The following CARF variants were observed in gnomAD, a reference collection of about 807,000 sequenced individuals.
The protein encoded by CARF is calcium responsive transcription factor.
In CARF, 57 loss-of-function variants were observed where a neutral mutation model predicts 82.0. The ratio of observed to expected loss-of-function variants is 0.70; its 90% CI spans 0.56 to 0.87. CARF has a LOEUF of 0.87. CARF is among the 40% of genes least tolerant of loss of function. CARF has a pLI of 0.00. For missense variants in CARF, 771 were observed against 855.8 expected, an observed-to-expected ratio of 0.90 and a Z score of 1.24; for synonymous variants, 268 against 290.1, an observed-to-expected ratio of 0.92 and a Z score of 0.77.
rs979560698 is a variant in CARF, at chr2:202,969,613, A to G, written c.954-306A>G. 7.4e-5 allele frequency among the ~76,000 whole-genome samples: 11 copies of G among 149,406 alleles called. No homozygotes were observed. The East Asian group carries it at 1.4e-3, about 19-fold the overall frequency. ...AATAAATAAATAAATAAATAAATAA[A>G]TAAATAAGTAATCCAGGCATGAGGT... On this transcript the variant is annotated intron_variant, in intron 10 of 16. Coordinates refer to ENST00000438828, the MANE Select transcript of CARF (RefSeq NM_024744.17).
At chr2:202,921,764 TG>T (rs1484453433) in intron 2 of CARF, among the ~76,000 whole-genome samples, 1 of 152,226 alleles carries the variant, frequency 6.6e-6, no homozygotes, top group Admixed American at 6.5e-5. Context: ...AACTTTCTGA[TG>T]TTGCTATATT....
chr2:202,977,835 G>A (rs1049878076), intron 14 of CARF, among the ~76,000 whole-genome samples: 3 of 151,896 alleles, frequency 2.0e-5, no homozygotes, highest in African/African-American at 7.3e-5. Context: ...CCTATATAAA[G>A]TTAAACCTCT....
In CARF at chr2:202,960,981, T is replaced by C. The variant is rs574655995; in HGVS notation, c.643-256T>C. ...CATTATATGTTCTTGCAAGTTATCTTTTCTAAATATTCTTTGTCTCAAACA... is the reference window on the plus strand; with the variant it reads ...CATTATATGTTCTTGCAAGTTATCTCTTCTAAATATTCTTTGTCTCAAACA... On this transcript the variant is annotated intron_variant, in intron 8 of 16. Coordinates refer to ENST00000438828, the MANE Select transcript of CARF (RefSeq NM_024744.17). Among the ~76,000 whole-genome samples the C allele has an allele frequency of 2.0e-5, 3 of 152,314 alleles. No homozygotes were observed. In the East Asian group the frequency reaches 5.8e-4, roughly 29 times the overall value.
rs574939296 is a variant in CARF, at chr2:202,943,349, C to T, written c.306+382C>T. Among the ~76,000 whole-genome samples the T allele has an allele frequency of 1.9e-4, 29 of 152,280 alleles. 1 individual carries two copies. In the South Asian group the frequency reaches 5.0e-3, roughly 26 times the overall value. ...TTGGCCTCTCAAAGTTCTGGGATTA[C>T]AGGCGTTAGCCACCATGCCCAGCCA... On this transcript the variant is annotated intron_variant, in intron 5 of 16. Transcript: ENST00000438828.
intron 15 of CARF, 52 bp downstream of exon 15, chr2:202,981,737 A>AT (rs1172872111): frequency 1.4e-6 from 2 of 1,475,146 alleles, no homozygotes; most frequent in South Asian, 2.4e-5. Flanking sequence ...TTATTCCTCC[A>AT]TTTACCTCTT....
At chr2:202,948,757 G>C (rs1255435380) in intron 5 of CARF, among the ~76,000 whole-genome samples, 1 of 152,126 alleles carries the variant, frequency 6.6e-6, no homozygotes, top group African/African-American at 2.4e-5. Context: ...CGGAGAATAT[G>C]GGGTTTTCTA....
intron 14 of CARF, among the ~76,000 whole-genome samples, chr2:202,978,724 G>A (rs1243819480): frequency 6.6e-6 from 1 of 152,172 alleles, no homozygotes; most frequent in Non-Finnish European, 1.5e-5. Context: ...CCATTTTTAT[G>A]CAGAGTTAGG....
chr2:202,955,688 C>G lies in CARF; in HGVS notation c.572C>G (p.Pro191Arg). ...TCCTATCCCAGAATGCTGGAAGAAC[C>G]CCTTCTGGGGCCTCTTCAGCCACTT... is the stretch of plus-strand genomic sequence containing the variant. ...KKSVTGMLEE[P>R]LLGPLQPLSS... Residue 191 changes from proline to arginine, a missense_variant, in exon 8 of 17, where the codon CCC becomes CGC. Transcript: ENST00000438828. The G allele has an allele frequency of 6.2e-7, 1 of 1,605,264 alleles. No homozygotes were observed. The highest frequency in any genetic ancestry group is 1.1e-5 in the South Asian group (1 of 89,610).
Position 202,942,816 on chromosome 2 carries a change from G to A in CARF, c.155G>A (p.Arg52His), listed in dbSNP as rs371549950. Residue 52 changes from arginine (R) to histidine (H), a missense_variant, in exon 5 of 17, where the codon CGT (arginine) becomes CAT (histidine). Arg to His is a conservative substitution (Grantham distance 29). Coordinates refer to ENST00000438828, the MANE Select transcript of CARF (RefSeq NM_024744.17). ...CCTACAGTTTTGCCCATCACTACTC[G>A]TGAAGCAAATAATTCACTCATATCA... ...DSPTVLPITT[R>H]EANNSLISQN... 2.2e-5 allele frequency: 36 copies of A among 1,613,644 alleles called. No homozygotes were observed. The highest frequency in any genetic ancestry group is 8.9e-5 in the East Asian group (4 of 44,864).
At chr2:202,952,703 G>T (rs954605232) in intron 6 of CARF, 24 bp downstream of exon 6, 9 of 1,581,958 alleles carry the variant, frequency 5.7e-6, no homozygotes, top group Non-Finnish European at 6.0e-6. Context: ...GGATATAGGG[G>T]ATTTGAGAGT....
chr2:202,954,710 T>TA lies in CARF; in HGVS notation c.557+593dup, dbSNP rs35250610. Among the ~76,000 whole-genome samples the TA allele has an allele frequency of 2.7e-3, 322 of 120,890 alleles. 3 individuals are homozygous for TA. The highest frequency in any genetic ancestry group is 0.025 in the South Asian group (93 of 3,792). The allele number at this position is 120,890 out of a possible 152,430, so 79.3% of individuals were successfully genotyped here. A position where few individuals can be genotyped will look rare whatever the true frequency, so the allele number is the denominator to read the frequency against. ...CTGGGTGACAGAGCGAGACATCATT[T>TA]AAAAAAAAAAAAAAAAAGACTGGGC... On this transcript the variant is annotated intron_variant, in intron 7 of 16. Coordinates refer to ENST00000438828, the MANE Select transcript of CARF (RefSeq NM_024744.17).
intron 1 of CARF, 22 bp from the exon 2 acceptor site, chr2:202,917,855 A>G (rs1690026479): frequency 8.4e-6 from 2 of 239,114 alleles, no homozygotes; most frequent in South Asian, 4.9e-5. Context: ...TAAAATATAC[A>G]TTAAATACCT....
At chr2:202,965,897 T>C (rs1251208196) in intron 9 of CARF, among the ~76,000 whole-genome samples, 1 of 152,188 alleles carries the variant, frequency 6.6e-6, no homozygotes. Flanking sequence ...ACGTTAATTA[T>C]CTCACAGTTT....
At chr2:202,946,342 C>T (rs547907879) in intron 5 of CARF, among the ~76,000 whole-genome samples, 19 of 152,234 alleles carry the variant, frequency 1.2e-4, no homozygotes, top group South Asian at 2.1e-4. Flanking sequence ...AGAAATAACA[C>T]GACACATCTA....
intron 5 of CARF, among the ~76,000 whole-genome samples, chr2:202,948,562 T>C (rs1187192927): frequency 6.6e-6 from 1 of 152,162 alleles, no homozygotes. Context: ...ATGGTAGAGA[T>C]CTTTCACCTT....
intron 9 of CARF, among the ~76,000 whole-genome samples, chr2:202,965,156 T>C (rs1339529490): frequency 2.0e-5 from 3 of 152,182 alleles, no homozygotes; most frequent in Non-Finnish European, 4.4e-5. Context: ...CTGTAATATT[T>C]GCCATATTCT....
At chr2:202,979,574 G>A (rs1289630233) in intron 14 of CARF, among the ~76,000 whole-genome samples, 1 of 152,092 alleles carries the variant, frequency 6.6e-6, no homozygotes, top group African/African-American at 2.4e-5. Flanking sequence ...GCCAAGGCAG[G>A]TGGATCACCT....
rs371105546 is a variant in CARF, at chr2:202,955,634, A to G, written c.558-40A>G. ...GCAGTTGAATGCATTTTGTGTGTTC[A>G]TTGAACTGCATATTTATATATATTC... On this transcript the variant is annotated intron_variant, in intron 7 of 16. Coordinates refer to ENST00000438828, the MANE Select transcript of CARF (RefSeq NM_024744.17). The G allele has an allele frequency of 3.6e-5, 52 of 1,455,952 alleles. No homozygotes were observed. In the African/African-American group the frequency reaches 6.5e-4, roughly 18 times the overall value. The allele number at this position is 1,455,952 out of a possible 1,614,324, so 90.2% of individuals were successfully genotyped here.
rs1006597743 is a variant in CARF, at chr2:202,955,778, T to A, written c.642+20T>A. 3 of 1,569,530 alleles carry A rather than the reference T, an allele frequency of 1.9e-6. No individual in the cohort carries two copies. In the Admixed American group the frequency reaches 5.2e-5, roughly 27 times the overall value. ...TGTGAGGTGAGTTATAAATAATCAT[T>A]ACCTAGAATTACTTAACTGATTATA... On this transcript the variant is annotated intron_variant, in intron 8 of 16. Transcript: ENST00000438828.
Sources: gnomAD v4.1 joint callset for allele counts (sites outside exome capture counted in the v4.1 genomes callset) on GRCh38, gnomAD v4.1.1 for gene constraint, MANE v1.5 for transcripts, NCBI Gene and HGNC (gene_info 2026-07-23, HGNC 2026-07-21) for gene names.